The following PRKG1 variants were observed in gnomAD, a reference collection of about 807,000 sequenced individuals.
PRKG1 encodes protein kinase cGMP-dependent 1.
A neutral mutation model predicts 88.1 loss-of-function variants in PRKG1; 35 were observed. The observed-to-expected ratio is 0.40, with a 90% confidence interval of 0.30 to 0.53. The LOEUF is 0.53. PRKG1 is among the 20% of genes least tolerant of loss of function. The pLI is 0.59. For missense variants in PRKG1, 540 were observed against 839.8 expected (o/e 0.64, Z 4.41); for synonymous variants, 303 against 292.5 (o/e 1.04, Z -0.37).
intron 3 of PRKG1, among the ~76,000 whole-genome samples, chr10:51,477,632 C>T (rs1411481812): frequency 2.0e-5 from 3 of 151,858 alleles, no homozygotes; most frequent in East Asian, 1.9e-4. Flanking sequence ...AGTGCGGCAA[C>T]GAACATAATG....
chr10:51,436,063 A>G (rs993588030), intron 2 of PRKG1, among the ~76,000 whole-genome samples: 2 of 151,978 alleles, frequency 1.3e-5, no homozygotes, highest in Non-Finnish European at 2.9e-5. Flanking sequence ...TGCCAACTAC[A>G]TGTGACTTTC....
At chr10:51,801,810 A>C (rs1163602907) in intron 3 of PRKG1, among the ~76,000 whole-genome samples, 1 of 152,146 alleles carries the variant, frequency 6.6e-6, no homozygotes, top group Non-Finnish European at 1.5e-5. Context: ...TAGAGGTCTC[A>C]GAGTAATGGG....
At chr10:51,968,044 C>G (rs192086600) in intron 5 of PRKG1, among the ~76,000 whole-genome samples, 20 of 152,134 alleles carry the variant, frequency 1.3e-4, no homozygotes, top group Non-Finnish European at 2.6e-4. Context: ...CCGTTTCCTT[C>G]TTACTAATAC....
At chr10:51,758,499 G>A (rs937825089) in intron 3 of PRKG1, among the ~76,000 whole-genome samples, 1 of 152,130 alleles carries the variant, frequency 6.6e-6, no homozygotes, top group African/African-American at 2.4e-5. Context: ...CTTTCAGCTT[G>A]AGCAGAAGGG....
chr10:51,259,703 T>A (rs1224472702), intron 2 of PRKG1, among the ~76,000 whole-genome samples: 1 of 152,176 alleles, frequency 6.6e-6, no homozygotes, highest in Admixed American at 6.5e-5. Context: ...CTCGAACTCC[T>A]AACCTCAGAT....
At chr10:51,755,594 A>G (rs915273650) in intron 3 of PRKG1, among the ~76,000 whole-genome samples, 3 of 152,180 alleles carry the variant, frequency 2.0e-5, no homozygotes, top group African/African-American at 7.2e-5. Flanking sequence ...TTACTTTTTG[A>G]TAGAATTGTA....
intron 1 of PRKG1, among the ~76,000 whole-genome samples, chr10:51,115,372 C>CATATATATATATATATCTATATATATAT (rs57104400): frequency 3.1e-5 from 1 of 31,834 alleles, no homozygotes; most frequent in African/African-American, 6.9e-5. Flanking sequence ...TTCCTTTAAA[C>CATATATATATATATATCTATATATATAT]ATATATATAT....
chr10:51,831,303 G>T (rs568328715), intron 4 of PRKG1, among the ~76,000 whole-genome samples: 1 of 151,720 alleles, frequency 6.6e-6, no homozygotes, highest in Admixed American at 6.6e-5. Flanking sequence ...TATGTTCATG[G>T]TAGAAAATGT....
chr10:51,741,351 A>G lies in PRKG1; in HGVS notation c.593-63234A>G, dbSNP rs550157341. 9.9e-5 allele frequency among the ~76,000 whole-genome samples: 15 copies of G among 152,154 alleles called. No individual in the cohort carries two copies. The South Asian group carries it at 2.7e-3, about 27-fold the overall frequency. Reference sequence around the variant, plus strand: ...TTAATTATTCAGAATAATGTTATTGACAGGCTTTTATTATAGGTTATATTT... The same window carrying G: ...TTAATTATTCAGAATAATGTTATTGGCAGGCTTTTATTATAGGTTATATTT... On this transcript the variant is annotated intron_variant, in intron 3 of 17. Coordinates refer to ENST00000373980, the MANE Select transcript of PRKG1 (RefSeq NM_006258.4).
At chr10:51,701,838 A>G (rs1841476930) in intron 3 of PRKG1, among the ~76,000 whole-genome samples, 1 of 152,200 alleles carries the variant, frequency 6.6e-6, no homozygotes, top group Non-Finnish European at 1.5e-5. Flanking sequence ...TACTGTCTAA[A>G]CCAGTGGTCT....
At chr10:51,793,349 T>C (rs1488833186) in intron 3 of PRKG1, among the ~76,000 whole-genome samples, 1 of 151,624 alleles carries the variant, frequency 6.6e-6, no homozygotes, top group Non-Finnish European at 1.5e-5. Flanking sequence ...AAAATATATA[T>C]AGTCAAAGGA....
intron 1 of PRKG1, among the ~76,000 whole-genome samples, chr10:51,066,140 G>A (rs1022866502): frequency 8.5e-5 from 13 of 152,204 alleles, no homozygotes; most frequent in South Asian, 4.1e-4. Flanking sequence ...ATTGCTTAAT[G>A]CTTGGAGAAC....
intron 3 of PRKG1, among the ~76,000 whole-genome samples, chr10:51,708,029 AT>A (rs1354354016): frequency 6.6e-6 from 1 of 152,188 alleles, no homozygotes; most frequent in African/African-American, 2.4e-5. Flanking sequence ...TTTTCATGAC[AT>A]TTTGTTATCT....
intron 3 of PRKG1, among the ~76,000 whole-genome samples, chr10:51,484,659 C>T (rs948736637): frequency 3.9e-5 from 6 of 152,118 alleles, no homozygotes; most frequent in Admixed American, 1.3e-4. Context: ...TCTCCAAGCC[C>T]CCACGTGAGA....
At chr10:50,992,401 AG>A (rs767731063) in intron 1 of PRKG1, among the ~76,000 whole-genome samples, 42 of 152,290 alleles carry the variant, frequency 2.8e-4, no homozygotes, top group East Asian at 2.7e-3. Flanking sequence ...AGGCTGCTCT[AG>A]GTTTGGAGTC....
At chr10:52,050,303 T>A (rs1845959900) in intron 5 of PRKG1, among the ~76,000 whole-genome samples, 2 of 152,058 alleles carry the variant, frequency 1.3e-5, no homozygotes, top group Non-Finnish European at 2.9e-5. Flanking sequence ...GTAGGCCATG[T>A]TTGAGAAACT....
intron 5 of PRKG1, among the ~76,000 whole-genome samples, chr10:52,028,042 G>C (rs1423168518): frequency 2.0e-5 from 3 of 152,078 alleles, no homozygotes; most frequent in African/African-American, 7.2e-5. Context: ...ACCCACCTTG[G>C]CCTCTCAAAG....
chr10:51,482,672 C>T (rs1248516833), intron 3 of PRKG1, among the ~76,000 whole-genome samples: 2 of 152,156 alleles, frequency 1.3e-5, no homozygotes, highest in East Asian at 3.9e-4. Flanking sequence ...GTGGTTTTAA[C>T]CCCCATGGTT....
chr10:52,013,205 T>G (rs1844942081), intron 5 of PRKG1, among the ~76,000 whole-genome samples: 1 of 151,986 alleles, frequency 6.6e-6, no homozygotes. Flanking sequence ...GATCACGAGG[T>G]CAGGAGATCG....
Sources: allele counts gnomAD v4.1 joint callset (sites outside exome capture counted in the v4.1 genomes callset), GRCh38; gene constraint gnomAD v4.1.1; transcripts MANE v1.5; gene names NCBI Gene and HGNC (gene_info 2026-07-23, HGNC 2026-07-21).